Variants in CPLX1 observed in about 807,000 individuals in gnomAD.
CPLX1 encodes complexin 1, also known as complexin-1.
Under a neutral mutation model 15.6 loss-of-function variants are expected in CPLX1, and 6 were observed. The ratio of observed to expected loss-of-function variants is 0.39; its 90% CI spans 0.21 to 0.76. CPLX1 has a LOEUF of 0.76. CPLX1 is among the 30% of genes least tolerant of loss of function. The pLI is 0.43. For missense variants in CPLX1, 242 were observed against 188.6 expected (o/e 1.28, Z -1.66); for synonymous variants, 91 against 75.2 (o/e 1.21, Z -1.08).
At chr4:792,021 C>G (rs566903945) in intron 3 of CPLX1, among the ~76,000 whole-genome samples, 10 of 152,212 alleles carry the variant, frequency 6.6e-5, no homozygotes, top group Admixed American at 2.0e-4. Context: ...CTGGCAGCCA[C>G]TCTGGGCCGC....
chr4:799,794 C>T (rs559975945), intron 2 of CPLX1, among the ~76,000 whole-genome samples: 21 of 152,272 alleles, frequency 1.4e-4, no homozygotes, highest in African/African-American at 5.1e-4. Context: ...ACCCAGGAGG[C>T]AGAGGTTGCA....
In CPLX1 at chr4:792,490, G is replaced by A. The variant is rs749104326; in HGVS notation, c.150C>T (p.Ala50=). ...GCTCCGCCTCCATCTTGGCGTACTT[G>A]GCCTTGCGCTCCTCCTCCGCCTGGC... ...ALRQAEEERK[A]KYAKMEAERE... is the part of the protein sequence containing the mutation. Residue 50 remains alanine (A), a synonymous_variant, in exon 3 of 4, where the codon GCC becomes GCT. Coordinates refer to ENST00000304062, the MANE Select transcript of CPLX1 (RefSeq NM_006651.4). The A allele has an allele frequency of 6.2e-7, 1 of 1,612,540 alleles. No individual in the cohort carries two copies. Among genetic ancestry groups the A allele is most frequent in the Non-Finnish European group, 8.5e-7 (1 of 1,179,568 alleles).
rs544703191 is a variant in CPLX1, at chr4:792,099, A to AC, written c.207+333dup. 2.4e-3 allele frequency among the ~76,000 whole-genome samples: 360 copies of AC among 150,542 alleles called. 1 individual carries two copies. The highest frequency in any genetic ancestry group is 8.6e-3 in the African/African-American group (350 of 40,860). On this transcript the variant is annotated intron_variant, in intron 3 of 3. Coordinates refer to ENST00000304062, the MANE Select transcript of CPLX1 (RefSeq NM_006651.4). ...CCAGGCCGGGCTCACCTGAGAGCGC[A>AC]CCCCCCATGCCAGGTGGCCGCCCCA...
At chr4:818,497 C>T (rs1172086335) in intron 2 of CPLX1, among the ~76,000 whole-genome samples, 2 of 152,266 alleles carry the variant, frequency 1.3e-5, no homozygotes, top group Admixed American at 6.5e-5. Context: ...CCTCTTCTCT[C>T]CTCAGCAACT....
At position 786,658 on chromosome 4, in the gene CPLX1, T is replaced by C. The variant is rs776426430; in HGVS notation, c.248A>G (p.Gln83Arg). 2.5e-6 allele frequency: 4 copies of C among 1,610,344 alleles called. No homozygotes were observed. Among genetic ancestry groups the C allele is most frequent in the Non-Finnish European group, 3.4e-6 (4 of 1,178,390 alleles). The part of the protein sequence containing the change: ...KKKEEREAEA[Q>R]AAMEANSEGS... ...CTCGGAGTTGGCCTCCATGGCGGCC[T>C]GGGCCTCGGCCTCGCGCTCCTCCTT... Residue 83 changes from glutamine to arginine, a missense_variant, in exon 4 of 4, where the codon CAG becomes CGG. Gln to Arg is a conservative substitution (Grantham distance 43, BLOSUM62 1). Coordinates refer to ENST00000304062, the MANE Select transcript of CPLX1 (RefSeq NM_006651.4).
intron 2 of CPLX1, among the ~76,000 whole-genome samples, chr4:817,373 G>C (rs1374628286): frequency 6.6e-6 from 1 of 150,410 alleles, no homozygotes; most frequent in Non-Finnish European, 1.5e-5. Context: ...GGGCAACACA[G>C]TGAAACCCCG....
intron 2 of CPLX1, among the ~76,000 whole-genome samples, chr4:822,320 C>T (rs1341698623): frequency 2.0e-5 from 3 of 151,170 alleles, no homozygotes; most frequent in Non-Finnish European, 2.9e-5. Flanking sequence ...TCTGTCTCTC[C>T]CTCTGCTCCC....
At chr4:788,675 A>G (rs1746075291) in intron 3 of CPLX1, among the ~76,000 whole-genome samples, 2 of 152,088 alleles carry the variant, frequency 1.3e-5, no homozygotes, top group Non-Finnish European at 2.9e-5. Context: ...CAGGCACGGA[A>G]GTGGAGGGAG....
chr4:802,508 T>C (rs963040586), intron 2 of CPLX1, among the ~76,000 whole-genome samples: 6 of 152,156 alleles, frequency 3.9e-5, no homozygotes, highest in African/African-American at 1.4e-4. Context: ...GCTAGAGATA[T>C]TACAGGCCAT....
chr4:802,622 A>C (rs971988541), intron 2 of CPLX1, among the ~76,000 whole-genome samples: 5 of 152,354 alleles, frequency 3.3e-5, no homozygotes, highest in South Asian at 2.1e-4. Context: ...GTAACCCTTC[A>C]ACTGAAGAGG....
rs913432799 is a variant in CPLX1 at position 801,249 on chromosome 4, G to A, written c.32-8641C>T. 2.6e-5 allele frequency among the ~76,000 whole-genome samples: 4 copies of A among 152,046 alleles called. No individual in the cohort carries two copies. In the East Asian group the frequency reaches 7.7e-4, roughly 29 times the overall value. On this transcript the variant is annotated intron_variant, in intron 2 of 3. Transcript: ENST00000304062. Reference sequence around the variant, plus strand: ...AGGCAGGAGAATTGCTTGAACCTGGGAGGTGGAGGTTGCAGTGAGCCGAGA... The same window carrying A: ...AGGCAGGAGAATTGCTTGAACCTGGAAGGTGGAGGTTGCAGTGAGCCGAGA...
intron 2 of CPLX1, among the ~76,000 whole-genome samples, chr4:820,236 G>A (rs867423491): frequency 3.4e-5 from 5 of 148,086 alleles, no homozygotes; most frequent in South Asian, 2.2e-4. Flanking sequence ...CCGTCCTCCC[G>A]GACCCAGCTC....
intron 2 of CPLX1, among the ~76,000 whole-genome samples, chr4:809,497 T>A (rs866704036): frequency 6.6e-6 from 1 of 151,516 alleles, no homozygotes; most frequent in South Asian, 2.1e-4. Context: ...CTGCCCTCAC[T>A]CAGCCTTGAA....
At chr4:805,088 G>A (rs563756278) in intron 2 of CPLX1, among the ~76,000 whole-genome samples, 30 of 152,350 alleles carry the variant, frequency 2.0e-4, no homozygotes, top group Admixed American at 1.5e-3. Flanking sequence ...TTGGGCGTGT[G>A]GCCATACGCC....
At chr4:818,907 G>A (rs1280042315) in intron 2 of CPLX1, among the ~76,000 whole-genome samples, 2 of 152,198 alleles carry the variant, frequency 1.3e-5, no homozygotes, top group Admixed American at 6.5e-5. Flanking sequence ...GCCTCATCCC[G>A]GGGGACCGCC....
intron 2 of CPLX1, 172 bp from the exon 3 acceptor site, chr4:792,780 A>G: frequency 1.6e-6 from 1 of 636,714 alleles, no homozygotes; most frequent in Non-Finnish European, 2.6e-6. Flanking sequence ...TCTGGCCCTG[A>G]CCCTCCTGCC....
In CPLX1 at chr4:792,561, C is replaced by T. The variant is rs757504656; in HGVS notation, c.79G>A (p.Asp27Asn). The change falls in exon 3 of 4, where the codon GAC becomes AAC. Residue 27 changes from aspartate (D) to asparagine (N), a missense_variant. Physicochemically the swap from Asp to Asn is conservative, Grantham distance 23. Transcript: ENST00000304062. The stretch of plus-strand genomic sequence containing the variant: ...TCCTCCTTCTTGGCGGCGTCTGGGT[C>T]CTTCTCCTCGTCACCCCCCAGCATC... ...GKMLGGDEEKDPDAAKKEEER... is the reference protein window; with the variant it reads ...GKMLGGDEEKNPDAAKKEEER... 6.2e-7 allele frequency: 1 copy of T among 1,613,414 alleles called. No homozygotes were observed. Among genetic ancestry groups the T allele is most frequent in the East Asian group, 2.2e-5 (1 of 44,846 alleles).
chr4:809,242 C>T (rs957523773), intron 2 of CPLX1, among the ~76,000 whole-genome samples: 8 of 152,258 alleles, frequency 5.3e-5, no homozygotes, highest in South Asian at 4.1e-4. Flanking sequence ...CCCACGTCCT[C>T]GCCTATAGAC....
At chr4:824,878 C>T (rs969741455) in intron 1 of CPLX1, 1 of 461,944 alleles carries the variant, frequency 2.2e-6, no homozygotes, top group African/African-American at 2.0e-5. Flanking sequence ...GCGCCTGGCG[C>T]CAGGCTGCGG....
Sources: gnomAD v4.1 joint callset for allele counts (sites outside exome capture counted in the v4.1 genomes callset) on GRCh38, gnomAD v4.1.1 for gene constraint, MANE v1.5 for transcripts, NCBI Gene and HGNC (gene_info 2026-07-23, HGNC 2026-07-21) for gene names.